The following FOXK2 variants were observed in gnomAD, a reference collection of about 807,000 sequenced individuals.
The protein encoded by FOXK2 is forkhead box K2.
FOXK2 carries 24 observed loss-of-function variants against 53.3 expected under a neutral mutation model. The ratio of observed to expected loss-of-function variants is 0.45; its 90% CI spans 0.33 to 0.63. The LOEUF is 0.63. Ranked by LOEUF, FOXK2 falls within the 30% of genes least tolerant of loss-of-function variation. FOXK2 has a pLI of 0.03. For synonymous variants in FOXK2, 505 were observed against 407.1 expected, an observed-to-expected ratio of 1.24 and a Z score of -2.89; for missense variants, 952 against 910.5, an observed-to-expected ratio of 1.05 and a Z score of -0.59.
In FOXK2 at chr17:82,601,290, C is replaced by A; in HGVS notation, c.1787-13C>A. On this transcript the variant is annotated splice_polypyrimidine_tract_variant and intron_variant, in intron 8 of 8. Coordinates refer to ENST00000335255, the MANE Select transcript of FOXK2 (RefSeq NM_004514.4). ...TGAGAGCGTGGGGTTCTGACTCCCT[C>A]GTGTCATTTCAGCCGCGGCGAGTCC... is the stretch of plus-strand genomic sequence containing the variant. The A allele has an allele frequency of 1.2e-6, 2 of 1,607,302 alleles. No individual in the cohort carries two copies. Among genetic ancestry groups the A allele is most frequent in the Admixed American group, 3.3e-5 (2 of 59,866 alleles).
chr17:82,524,980 C>CT (rs371491887), intron 1 of FOXK2, among the ~76,000 whole-genome samples: 31,904 of 138,096 alleles, frequency 0.23, 3,981 homozygotes, highest in Non-Finnish European at 0.29. Flanking sequence ...GACAAGGTGG[C>CT]TTTTTTTTTT....
intron 6 of FOXK2, among the ~76,000 whole-genome samples, chr17:82,585,473 C>G (rs1189101183): frequency 2.0e-5 from 3 of 152,160 alleles, no homozygotes; most frequent in Admixed American, 6.6e-5. Context: ...TGTAGGCGCA[C>G]AGTAACATGC....
At chr17:82,592,077 G>C (rs1598237620) in intron 8 of FOXK2, among the ~76,000 whole-genome samples, 1 of 152,304 alleles carries the variant, frequency 6.6e-6, no homozygotes, top group East Asian at 1.9e-4. Context: ...CTAAGTTTTT[G>C]TATTTTTTGT....
At position 82,601,513 on chromosome 17, in the gene FOXK2, TTTTC is replaced by T; in HGVS notation, c.*18_*21del. 6.3e-7 allele frequency: 1 copy of T among 1,590,054 alleles called. No individual in the cohort carries two copies. The highest frequency in any genetic ancestry group is 2.2e-5 in the East Asian group (1 of 44,446). ...GTCCAGAACTAGCGACCGGGAGAGCTTTTCTTTAACGATATCAACTCTGTGGTGC... is the reference window on the plus strand; with the variant it reads ...GTCCAGAACTAGCGACCGGGAGAGCTTTTAACGATATCAACTCTGTGGTGC... On this transcript the variant is annotated 3_prime_UTR_variant, in exon 9 of 9. Transcript: ENST00000335255.
At chr17:82,556,010 A>T (rs544587003) in intron 1 of FOXK2, among the ~76,000 whole-genome samples, 3 of 151,494 alleles carry the variant, frequency 2.0e-5, no homozygotes, top group Admixed American at 2.0e-4. Context: ...TTCTACATCC[A>T]TCTGCATGGA....
intron 8 of FOXK2, chr17:82,587,674 G>A (rs2045204869): frequency 3.3e-6 from 1 of 299,956 alleles, no homozygotes; most frequent in Non-Finnish European, 6.5e-6. Context: ...TGTGCGCTTT[G>A]CTCTCAGAGT....
At chr17:82,526,899 G>C (rs1449017812) in intron 1 of FOXK2, among the ~76,000 whole-genome samples, 1 of 151,898 alleles carries the variant, frequency 6.6e-6, no homozygotes, top group African/African-American at 2.4e-5. Context: ...GACAGCAGAC[G>C]ATGTCTGAAG....
chr17:82,570,035 A>C lies in FOXK2; in HGVS notation c.763-1689A>C, dbSNP rs566175039. 3.3e-5 allele frequency among the ~76,000 whole-genome samples: 5 copies of C among 151,006 alleles called. No individual in the cohort carries two copies. The South Asian group carries it at 1.1e-3, about 32-fold the overall frequency. On this transcript the variant is annotated intron_variant, in intron 3 of 8. Coordinates refer to ENST00000335255, the MANE Select transcript of FOXK2 (RefSeq NM_004514.4). ...CAGGAGATCGAGACCATCCTGGCTA[A>C]CACGGTGAAATCCCGTCTGTACTAA...
At position 82,568,302 on chromosome 17, in the gene FOXK2, G is replaced by A; in HGVS notation, c.762+101G>A. The A allele has an allele frequency of 2.1e-6, 3 of 1,404,682 alleles. No homozygotes were observed. The Admixed American group carries it at 6.4e-5, about 30-fold the overall frequency. 87.0% of individuals were successfully genotyped at this position (1,404,682 alleles called of 1,614,324 possible). A position where few individuals can be genotyped will look rare whatever the true frequency, so the allele number is the denominator to read the frequency against. The stretch of plus-strand genomic sequence containing the variant: ...TCACTCACCTGCCTGTCCAGTGACA[G>A]CCCTGCCAGGGCATCGGTGGGGATG... On this transcript the variant is annotated intron_variant, in intron 3 of 8. Coordinates refer to ENST00000335255, the MANE Select transcript of FOXK2 (RefSeq NM_004514.4).
Position 82,601,385 on chromosome 17 carries a change from G to C in FOXK2, c.1869G>C (p.Gln623His). 6.2e-7 allele frequency: 1 copy of C among 1,613,276 alleles called. No homozygotes were observed. Among genetic ancestry groups the C allele is most frequent in the Non-Finnish European group, 8.5e-7 (1 of 1,180,028 alleles). Residue 623 changes from glutamine to histidine, a missense_variant, in exon 9 of 9, where the codon CAG becomes CAC. Gln to His is a conservative substitution (Grantham distance 24). Around this residue, in one of 5 missense-constraint regions of FOXK2, gnomAD observed 551 missense variants for 385.1 expected, o/e 1.43. Coordinates refer to ENST00000335255, the MANE Select transcript of FOXK2 (RefSeq NM_004514.4). ...CCACAAAGCGCCACAACGGTGACCA[G>C]CCGGAGCAGCCGGAGCTGAAGCGGA... is the stretch of plus-strand genomic sequence containing the variant. ...SLPTKRHNGD[Q>H]PEQPELKRIK...
chr17:82,564,629 C>G (rs1403532220), intron 2 of FOXK2, among the ~76,000 whole-genome samples: 2 of 151,644 alleles, frequency 1.3e-5, no homozygotes, highest in Non-Finnish European at 2.9e-5. Flanking sequence ...TTTAGAGAGC[C>G]CACAGCCTGA....
intron 8 of FOXK2, among the ~76,000 whole-genome samples, chr17:82,588,060 A>G (rs1258549818): frequency 1.3e-5 from 2 of 152,182 alleles, no homozygotes; most frequent in Non-Finnish European, 2.9e-5. Context: ...ACCGAACGCT[A>G]CGAACAGAGA....
rs2045404066 is a variant in FOXK2, at chr17:82,603,036, TATG to T, written c.*1542_*1544del. 1 of 152,626 alleles carries T rather than the reference TATG, an allele frequency of 6.6e-6. No individual in the cohort carries two copies. Among genetic ancestry groups the T allele is most frequent in the African/African-American group, 2.4e-5 (1 of 41,444 alleles). The allele number at this position is 152,626 out of a possible 1,614,324, so 9.5% of individuals were successfully genotyped here. A position where few individuals can be genotyped will look rare whatever the true frequency, so the allele number is the denominator to read the frequency against. ...ATTTATTATTTACATAAAGACCAAA[TATG>T]ATGAATCTGTTCCGTGAATTGTGTC... On this transcript the variant is annotated 3_prime_UTR_variant, in exon 9 of 9. Transcript: ENST00000335255.
Position 82,601,291 on chromosome 17 carries a change from G to A in FOXK2, c.1787-12G>A, listed in dbSNP as rs3794716. On this transcript the variant is annotated splice_polypyrimidine_tract_variant and intron_variant, in intron 8 of 8. Transcript: ENST00000335255. ...GAGAGCGTGGGGTTCTGACTCCCTC[G>A]TGTCATTTCAGCCGCGGCGAGTCCT... The A allele has an allele frequency of 0.068, 109,573 of 1,606,324 alleles. 4,260 individuals are homozygous for A. The highest frequency in any genetic ancestry group is 0.16 in the Middle Eastern group (722 of 4,562).
chr17:82,589,646 A>T (rs2045233739), intron 8 of FOXK2, among the ~76,000 whole-genome samples: 1 of 151,684 alleles, frequency 6.6e-6, no homozygotes, highest in Non-Finnish European at 1.5e-5. Flanking sequence ...GCCTGTTTCC[A>T]CTCAGGAAGG....
intron 8 of FOXK2, chr17:82,596,094 C>T (rs919945494): frequency 1.9e-5 from 21 of 1,079,772 alleles, no homozygotes; most frequent in African/African-American, 1.5e-4. Flanking sequence ...ACATTAGAGT[C>T]GGTTGAGGCC....
intron 2 of FOXK2, among the ~76,000 whole-genome samples, chr17:82,567,269 T>C (rs958135874): frequency 5.9e-5 from 9 of 152,362 alleles, no homozygotes; most frequent in East Asian, 1.9e-4. Flanking sequence ...TACCTTGATA[T>C]TGTTCCATTT....
intron 1 of FOXK2, among the ~76,000 whole-genome samples, chr17:82,523,594 T>C (rs2044388671): frequency 1.3e-5 from 2 of 151,666 alleles, no homozygotes; most frequent in Admixed American, 1.3e-4. Flanking sequence ...TGCTTCAGCC[T>C]CCCGAGTACC....
intron 8 of FOXK2, among the ~76,000 whole-genome samples, chr17:82,596,958 C>T (rs1417228796): frequency 6.6e-6 from 1 of 152,236 alleles, no homozygotes; most frequent in South Asian, 2.1e-4. Context: ...GCGAGAGCCC[C>T]TTGTGCTCAG....
Sources: gnomAD v4.1 joint callset for allele counts (sites outside exome capture counted in the v4.1 genomes callset) on GRCh38, gnomAD v4.1.1 for gene constraint, gnomAD v4.1.1 regional missense constraint, MANE v1.5 for transcripts, NCBI Gene and HGNC (gene_info 2026-07-23, HGNC 2026-07-21) for gene names.